The following CEP128 variants were observed in gnomAD, a reference collection of about 807,000 sequenced individuals.
CEP128 encodes centrosomal protein 128.
In CEP128, 132 loss-of-function variants were observed where a neutral mutation model predicts 156.7. That is an observed-to-expected ratio of 0.84 (90% CI 0.73 to 0.97). CEP128 has a LOEUF of 0.97. Ranked by LOEUF, CEP128 falls within the 50% of genes least tolerant of loss-of-function variation. The probability of loss-of-function intolerance (pLI) is 0.00; values close to 1 mark genes in which losing one functional copy is unlikely to be tolerated. For missense variants in CEP128, 1,252 were observed against 1,281.9 expected, an observed-to-expected ratio of 0.98 and a Z score of 0.36; for synonymous variants, 469 against 448.9, an observed-to-expected ratio of 1.04 and a Z score of -0.57.
intron 4 of CEP128, 45 bp downstream of exon 4, chr14:80,914,277 C>T (rs1000376342): frequency 2.1e-6 from 3 of 1,456,328 alleles, no homozygotes; most frequent in Admixed American, 3.4e-5. Flanking sequence ...ACTTCATTCC[C>T]AAAAAGGTGG....
At chr14:80,526,097 A>G (rs1030572224) in intron 23 of CEP128, among the ~76,000 whole-genome samples, 1 of 152,154 alleles carries the variant, frequency 6.6e-6, no homozygotes, top group African/African-American at 2.4e-5. Context: ...GGGACATTTG[A>G]CAATGTCAGG....
At chr14:80,654,525 T>A (rs1301917881) in intron 19 of CEP128, among the ~76,000 whole-genome samples, 2 of 152,132 alleles carry the variant, frequency 1.3e-5, no homozygotes, top group Non-Finnish European at 2.9e-5. Context: ...TTCTCATCAA[T>A]CTTGAAAGAG....
chr14:80,831,704 A>C (rs996326115), intron 12 of CEP128, among the ~76,000 whole-genome samples: 2 of 152,160 alleles, frequency 1.3e-5, no homozygotes, highest in Admixed American at 1.3e-4. Context: ...GATGCTATTA[A>C]ATCTCTGATT....
intron 2 of CEP128, among the ~76,000 whole-genome samples, chr14:80,952,091 T>C (rs189313102): frequency 1.2e-4 from 19 of 152,192 alleles, no homozygotes; most frequent in Admixed American, 1.0e-3. Flanking sequence ...GTCTCAACAA[T>C]TGATATGACA....
chr14:80,725,887 A>G (rs932053953), intron 19 of CEP128, among the ~76,000 whole-genome samples: 2 of 152,208 alleles, frequency 1.3e-5, no homozygotes, highest in African/African-American at 4.8e-5. Context: ...TGATCTGAAA[A>G]TGCTTTTGTT....
chr14:80,785,070 G>C lies in CEP128; in HGVS notation c.2036C>G (p.Thr679Arg), dbSNP rs747339326. The C allele has an allele frequency of 6.2e-7, 1 of 1,614,186 alleles. No homozygotes were observed. Among genetic ancestry groups the C allele is most frequent in the Non-Finnish European group, 8.5e-7 (1 of 1,180,004 alleles). The change falls in exon 15 of 25, where the codon ACA becomes AGA. Residue 679 changes from threonine to arginine, a missense_variant. Transcript: ENST00000555265. ...CTTTAACTGTGTGATGATTGTAGCT[G>C]TTTCTTCATCCCTGGATTTTGCCTG... Reference protein sequence around the residue: ...TAQAKSRDEETATIITQLKLE... With the variant: ...TAQAKSRDEERATIITQLKLE...
intron 19 of CEP128, among the ~76,000 whole-genome samples, chr14:80,650,359 C>T (rs1566833897): frequency 6.6e-6 from 1 of 152,156 alleles, no homozygotes; most frequent in Non-Finnish European, 1.5e-5. Flanking sequence ...ATGTCATCTG[C>T]AAACAGAGAC....
intron 13 of CEP128, among the ~76,000 whole-genome samples, chr14:80,811,348 AT>A (rs1884521536): frequency 6.6e-6 from 1 of 152,126 alleles, no homozygotes; most frequent in South Asian, 2.1e-4. Flanking sequence ...TCTTTGAGGA[AT>A]TGCCACTCTG....
At chr14:80,666,120 T>G (rs73332684) in intron 19 of CEP128, among the ~76,000 whole-genome samples, 11,018 of 152,214 alleles carry the variant, frequency 0.072, 782 homozygotes, top group East Asian at 0.22. Context: ...CAATCAAGTT[T>G]AGTTAAAATG....
At chr14:80,953,656 T>TG (rs1253039786) in intron 2 of CEP128, among the ~76,000 whole-genome samples, 1 of 152,182 alleles carries the variant, frequency 6.6e-6, no homozygotes, top group Non-Finnish European at 1.5e-5. Context: ...CAAGGTGGGT[T>TG]TAACATTCGA....
intron 15 of CEP128, among the ~76,000 whole-genome samples, chr14:80,784,477 T>A (rs554039076): frequency 6.6e-6 from 1 of 152,254 alleles, no homozygotes; most frequent in South Asian, 2.1e-4. Context: ...TCGAAAGCCT[T>A]GGGTTTACAC....
At chr14:80,785,644 G>T in intron 14 of CEP128, 99 bp from the exon 15 acceptor site, 3 of 812,934 alleles carry the variant, frequency 3.7e-6, no homozygotes, top group Non-Finnish European at 3.6e-6. Context: ...TAACCCACAA[G>T]GAAAAAAAAA....
At chr14:80,538,271 G>GA (rs1196810898) in intron 21 of CEP128, among the ~76,000 whole-genome samples, 3 of 152,004 alleles carry the variant, frequency 2.0e-5, no homozygotes, top group South Asian at 2.1e-4. Context: ...GCACAAAGCA[G>GA]AAAAAAGCCA....
intron 13 of CEP128, among the ~76,000 whole-genome samples, chr14:80,828,154 C>T (rs1349687043): frequency 7.2e-6 from 1 of 137,998 alleles, no homozygotes; most frequent in African/African-American, 2.8e-5. Flanking sequence ...GATGGAGTCT[C>T]ACTCTGTCGC....
chr14:80,673,797 T>TC (rs542363940), intron 19 of CEP128, among the ~76,000 whole-genome samples: 59 of 144,422 alleles, frequency 4.1e-4, no homozygotes, highest in African/African-American at 1.5e-3. Context: ...TCTCTCTCTC[T>TC]TTTTTTTTTA....
intron 19 of CEP128, among the ~76,000 whole-genome samples, chr14:80,599,644 T>C (rs1162452718): frequency 6.6e-6 from 1 of 151,928 alleles, no homozygotes; most frequent in Non-Finnish European, 1.5e-5. Flanking sequence ...AGTTAGACAC[T>C]GTACTACTTT....
At chr14:80,880,773 G>A (rs184609515) in intron 8 of CEP128, among the ~76,000 whole-genome samples, 2 of 150,424 alleles carry the variant, frequency 1.3e-5, no homozygotes, top group Non-Finnish European at 1.5e-5. Context: ...TGAGGCAGGA[G>A]AATGGCGTGA....
At chr14:80,746,689 T>C (rs1274479215) in intron 18 of CEP128, among the ~76,000 whole-genome samples, 1 of 152,172 alleles carries the variant, frequency 6.6e-6, no homozygotes, top group Non-Finnish European at 1.5e-5. Context: ...GGCAATAGCT[T>C]CCTAGGTGTA....
At chr14:80,573,201 A>C (rs1192581938) in intron 20 of CEP128, among the ~76,000 whole-genome samples, 1 of 152,054 alleles carries the variant, frequency 6.6e-6, no homozygotes, top group Non-Finnish European at 1.5e-5. Context: ...CTGGGATAAT[A>C]GGCATGAGCC....
Sources: gnomAD v4.1 joint callset for allele counts (sites outside exome capture counted in the v4.1 genomes callset) on GRCh38, gnomAD v4.1.1 for gene constraint, MANE v1.5 for transcripts, NCBI Gene and HGNC (gene_info 2026-07-23, HGNC 2026-07-21) for gene names.